PRKN: variants seen among roughly 807,000 people sequenced by gnomAD.
The protein encoded by PRKN is parkin RBR E3 ubiquitin protein ligase, also known as E3 ubiquitin-protein ligase parkin.
Under a neutral mutation model 59.5 loss-of-function variants are expected in PRKN, and 56 were observed. The ratio of observed to expected loss-of-function variants is 0.94; its 90% CI spans 0.76 to 1.18. The LOEUF (loss-of-function observed/expected upper bound fraction) is 1.18. Among genes scored for constraint, PRKN ranks in the 50% most tolerant of loss-of-function variants. The pLI is 0.00. For missense variants in PRKN, 657 were observed against 596.4 expected, an observed-to-expected ratio of 1.10 and a Z score of -1.06; for synonymous variants, 250 against 222.1, an observed-to-expected ratio of 1.13 and a Z score of -1.12.
chr6:161,811,492 T>C (rs778762378), intron 6 of PRKN, among the ~76,000 whole-genome samples: 3 of 152,184 alleles, frequency 2.0e-5, no homozygotes, highest in Non-Finnish European at 4.4e-5. Context: ...GTCATTTCAA[T>C]ATACGGGGCT....
rs750606717 is a variant in PRKN at position 161,527,332 on chromosome 6, C to A, written c.1083+21522G>T. 4.6e-5 allele frequency among the ~76,000 whole-genome samples: 7 copies of A among 152,206 alleles called. No homozygotes were observed. Among genetic ancestry groups the A allele is most frequent in the African/African-American group, 1.7e-4 (7 of 41,460 alleles). ...TGGGGTGAAGTGTCTTGAGCCCCAA[C>A]GGCATCAAGTATGAACTTGGAGCCA... On this transcript the variant is annotated intron_variant, in intron 9 of 11. Coordinates refer to ENST00000366898, the MANE Select transcript of PRKN (RefSeq NM_004562.3). This position sits in a 1 kb window ranked among gnomAD's most constrained non-coding sequence, Gnocchi z 4.6.
At chr6:161,598,751 T>C (rs1438564497) in intron 7 of PRKN, among the ~76,000 whole-genome samples, 1 of 152,220 alleles carries the variant, frequency 6.6e-6, no homozygotes, top group Non-Finnish European at 1.5e-5. Context: ...TAGTAAACTC[T>C]TCTTGTAACA....
chr6:162,335,973 T>C (rs7743791), intron 2 of PRKN, among the ~76,000 whole-genome samples: 60,339 of 150,796 alleles, frequency 0.4, 15,253 homozygotes, highest in African/African-American at 0.7. Flanking sequence ...ACAGTGATTC[T>C]GCCACACACC....
Position 161,451,736 on chromosome 6 carries a change from C to T in PRKN, c.1084-64859G>A, listed in dbSNP as rs938544309. On this transcript the variant is annotated intron_variant, in intron 9 of 11. Coordinates refer to ENST00000366898, the MANE Select transcript of PRKN (RefSeq NM_004562.3). The surrounding 1 kb of genome is among the most constrained non-coding windows in gnomAD (Gnocchi z 5.9). Reference sequence around the variant, plus strand: ...TTTGCAAGCTTGGGTGGACAGGCAGCTGCCAACAGTGACAGCAGGTGGCCC... The same window carrying T: ...TTTGCAAGCTTGGGTGGACAGGCAGTTGCCAACAGTGACAGCAGGTGGCCC... 5.3e-5 allele frequency among the ~76,000 whole-genome samples: 8 copies of T among 152,200 alleles called. No individual in the cohort carries two copies. Among genetic ancestry groups the T allele is most frequent in the African/African-American group, 1.9e-4 (8 of 41,466 alleles).
intron 3 of PRKN, among the ~76,000 whole-genome samples, chr6:162,261,889 C>T (rs78440185): frequency 0.061 from 9,328 of 152,144 alleles, 394 homozygotes; most frequent in Middle Eastern, 0.14. Context: ...ATCTTGCAGG[C>T]CCCAGAACTT....
At chr6:162,318,150 T>A (rs7742255) in intron 2 of PRKN, among the ~76,000 whole-genome samples, 11,346 of 152,110 alleles carry the variant, frequency 0.075, 682 homozygotes, top group African/African-American at 0.16. Flanking sequence ...GAGTATCTCA[T>A]AAAAGTGGAA....
chr6:162,254,486 GAC>G (rs910908722), intron 3 of PRKN, among the ~76,000 whole-genome samples: 9 of 151,012 alleles, frequency 6.0e-5, no homozygotes, highest in African/African-American at 2.2e-4. Context: ...TATCCAAAAA[GAC>G]ACATTAGCAG....
intron 1 of PRKN, among the ~76,000 whole-genome samples, chr6:162,576,504 C>T (rs1451101255): frequency 6.6e-6 from 1 of 152,150 alleles, no homozygotes. Flanking sequence ...TAAAAAAACA[C>T]TTCTTCCCTT....
intron 1 of PRKN, among the ~76,000 whole-genome samples, chr6:162,457,259 T>C (rs184399963): frequency 1.3e-5 from 2 of 152,182 alleles, no homozygotes; most frequent in African/African-American, 4.8e-5. Context: ...AGAATAGAAA[T>C]GAAAAAGTTT....
chr6:162,521,708 T>C (rs1052871771), intron 1 of PRKN, among the ~76,000 whole-genome samples: 4 of 152,138 alleles, frequency 2.6e-5, no homozygotes, highest in African/African-American at 9.6e-5. Context: ...GTATGTATTA[T>C]ATGTATTTAT....
At chr6:161,649,387 G>T (rs1320824367) in intron 7 of PRKN, among the ~76,000 whole-genome samples, 1 of 152,210 alleles carries the variant, frequency 6.6e-6, no homozygotes, top group Non-Finnish European at 1.5e-5. Flanking sequence ...CAGTAAGGAT[G>T]CTTCTCTGGC....
At chr6:162,380,591 G>A (rs1330614882) in intron 2 of PRKN, among the ~76,000 whole-genome samples, 5 of 150,028 alleles carry the variant, frequency 3.3e-5, no homozygotes, top group Non-Finnish European at 5.9e-5. Context: ...TTTGCACAAA[G>A]ACACAGGAGA....
At chr6:162,307,455 CAAATTATGTATTATGTACATAAT>C (rs1408118655) in intron 2 of PRKN, among the ~76,000 whole-genome samples, 3 of 147,166 alleles carry the variant, frequency 2.0e-5, no homozygotes, top group African/African-American at 7.5e-5. Flanking sequence ...AATTAAGCAC[CAAATTATGTATTATGTACATAAT>C]AAATTATGTA....
At chr6:161,482,626 T>A (rs932512217) in intron 9 of PRKN, among the ~76,000 whole-genome samples, 1 of 152,196 alleles carries the variant, frequency 6.6e-6, no homozygotes, top group Non-Finnish European at 1.5e-5. Context: ...CAGGGAAGCA[T>A]GAAGAATGCT....
chr6:161,469,277 C>T (rs1056092138), intron 9 of PRKN, among the ~76,000 whole-genome samples: 7 of 152,118 alleles, frequency 4.6e-5, no homozygotes, highest in African/African-American at 1.2e-4. Context: ...AGGCTTCCCC[C>T]TTCACTGGGC....
At chr6:161,559,966 A>G (rs1780392458) in intron 8 of PRKN, among the ~76,000 whole-genome samples, 1 of 149,934 alleles carries the variant, frequency 6.7e-6, no homozygotes. Context: ...ACCTGAGCAC[A>G]GGTAACAACA....
intron 1 of PRKN, among the ~76,000 whole-genome samples, chr6:162,725,132 T>A (rs1779087973): frequency 6.6e-6 from 1 of 152,176 alleles, no homozygotes; most frequent in African/African-American, 2.4e-5. Context: ...CTGAGTACAC[T>A]CAATAAAGAT....
chr6:162,300,229 A>T (rs980809013), intron 2 of PRKN, among the ~76,000 whole-genome samples: 1 of 151,810 alleles, frequency 6.6e-6, no homozygotes, highest in African/African-American at 2.4e-5. Context: ...GGCCTTTAAA[A>T]ACTTATTTCT....
chr6:162,267,718 T>C (rs1780201262), intron 2 of PRKN, among the ~76,000 whole-genome samples: 1 of 152,182 alleles, frequency 6.6e-6, no homozygotes, highest in African/African-American at 2.4e-5. Context: ...TGATGACCCA[T>C]GGGAGACTGA....
Sources: allele counts gnomAD v4.1 joint callset (sites outside exome capture counted in the v4.1 genomes callset), GRCh38; gene constraint gnomAD v4.1.1; non-coding constraint Gnocchi (gnomAD v3.1); transcripts MANE v1.5; gene names NCBI Gene and HGNC (gene_info 2026-07-23, HGNC 2026-07-21).